The following KNDC1 variants were observed in gnomAD, a reference collection of about 807,000 sequenced individuals.
KNDC1 encodes kinase non-catalytic C-lobe domain-containing protein 1.
A neutral mutation model predicts 172.8 loss-of-function variants in KNDC1; 106 were observed. The observed-to-expected ratio is 0.61, with a 90% CI of 0.52 to 0.72. The LOEUF is 0.72. Among genes scored for constraint, KNDC1 ranks in the 30% least tolerant of loss-of-function variants. KNDC1 has a pLI of 0.00. For missense variants in KNDC1, 2,325 were observed against 2,394.5 expected, an observed-to-expected ratio of 0.97 and a Z score of 0.61; for synonymous variants, 1,083 against 1,062.2, an observed-to-expected ratio of 1.02 and a Z score of -0.38.
Position 133,204,583 on chromosome 10 carries a change from A to T in KNDC1, c.3388-2102A>T, listed in dbSNP as rs1041656219. On this transcript the variant is annotated intron_variant, in intron 17 of 29. Coordinates refer to ENST00000304613, the MANE Select transcript of KNDC1 (RefSeq NM_152643.8). ...GGCCGCTGCTGAACCCGTGCGTGGG[A>T]GAAGACAGCACAGGGACCCCGTCTC... Among the ~76,000 whole-genome samples, 3 of 152,196 alleles carry T rather than the reference A, an allele frequency of 2.0e-5. No homozygotes were observed. In the South Asian group the frequency reaches 6.2e-4, roughly 32 times the overall value.
chr10:133,168,470 G>A lies in KNDC1; in HGVS notation c.360+158G>A, dbSNP rs548810359. On this transcript the variant is annotated intron_variant, in intron 3 of 29. Coordinates refer to ENST00000304613, the MANE Select transcript of KNDC1 (RefSeq NM_152643.8). ...GCCCGGTTCACTGGGCTATAGGGAC[G>A]GCCTCTGGGGCACACCCGGCTTCGT... Among the ~76,000 whole-genome samples, 682 of 152,226 alleles carry A rather than the reference G, an allele frequency of 4.5e-3. 5 individuals carry two copies. Among genetic ancestry groups the A allele is most frequent in the African/African-American group, 0.015 (642 of 41,532 alleles).
intron 3 of KNDC1, among the ~76,000 whole-genome samples, chr10:133,177,090 G>C (rs1853557272): frequency 6.6e-6 from 1 of 152,142 alleles, no homozygotes; most frequent in Non-Finnish European, 1.5e-5. Context: ...CTTCTGCTGG[G>C]GACCCATGCA....
intron 3 of KNDC1, among the ~76,000 whole-genome samples, chr10:133,177,544 A>G (rs998495522): frequency 3.6e-4 from 52 of 146,212 alleles, no homozygotes; most frequent in Non-Finnish European, 2.7e-4. Flanking sequence ...AGTGTGTGTC[A>G]TGAGCACGTG....
intron 3 of KNDC1, among the ~76,000 whole-genome samples, chr10:133,181,276 G>A (rs953591912): frequency 1.3e-5 from 2 of 152,262 alleles, no homozygotes; most frequent in South Asian, 2.1e-4. Context: ...GACCCTGTGT[G>A]CCCAAACATG....
intron 15 of KNDC1, 29 bp downstream of exon 15, chr10:133,199,631 C>CTGAT (rs774016122): frequency 1.4e-5 from 23 of 1,608,322 alleles, no homozygotes; most frequent in Non-Finnish European, 1.9e-5. Flanking sequence ...CCTGCATTCC[C>CTGAT]GCCCCTCCCT....
At position 133,197,173 on chromosome 10, in the gene KNDC1, C is replaced by A. The variant is rs757924650; in HGVS notation, c.1812+38C>A. On this transcript the variant is annotated intron_variant, in intron 11 of 29. Transcript: ENST00000304613. ...AGCCAGGCCGCCGCCTCCTCCGCCG[C>A]GCTTAGCTTCCTCCCTCCTGGACGC... 2.6e-6 allele frequency: 4 copies of A among 1,516,944 alleles called. No individual in the cohort carries two copies. The South Asian group carries it at 3.4e-5, about 13-fold the overall frequency. 94.0% of individuals were successfully genotyped at this position (1,516,944 alleles called of 1,614,324 possible).
Position 133,167,571 on chromosome 10 carries a change from A to G in KNDC1, c.293A>G (p.Gln98Arg), listed in dbSNP as rs780211628. 1 of 1,590,826 alleles carries G rather than the reference A, an allele frequency of 6.3e-7. No homozygotes were observed. Among genetic ancestry groups the G allele is most frequent in the South Asian group, 1.1e-5 (1 of 87,790 alleles). ...AGCGGGAACGTGTGTTTCATGGAGC[A>G]GCTCAGCGGTGAGGCGGCGGTGGCG... is the stretch of plus-strand genomic sequence containing the variant. Reference protein sequence around the residue: ...NTSGNVCFMEQLSDDPEGAFV... With the variant: ...NTSGNVCFMERLSDDPEGAFV... Residue 98 changes from glutamine (Q) to arginine (R), a missense_variant, in exon 2 of 30, where the codon CAG becomes CGG. By Grantham distance (43) the Gln-to-Arg change is conservative. Transcript: ENST00000304613.
At position 133,160,495 on chromosome 10, in the gene KNDC1, G is replaced by T. The variant is rs1410175359; in HGVS notation, c.28G>T (p.Asp10Tyr). ...GCAGGCCATGGACCCGGCCGCGGCG[G>T]ATCTTTACGAGGAGGACGGCAAAGA... MQAMDPAAA[D>Y]LYEEDGKDLD... The change falls in exon 1 of 30, where the codon GAT becomes TAT. Residue 10 changes from aspartate to tyrosine, a missense_variant. Coordinates refer to ENST00000304613, the MANE Select transcript of KNDC1 (RefSeq NM_152643.8). The T allele has an allele frequency of 1.4e-5, 23 of 1,588,496 alleles. No homozygotes were observed. The highest frequency in any genetic ancestry group is 2.0e-5 in the Non-Finnish European group (23 of 1,169,408).
rs1355178743 is a variant in KNDC1, at chr10:133,206,793, GGCACAGGTCCGAGACCCT to G, written c.3481+17_3481+34del. On this transcript the variant is annotated intron_variant, in intron 18 of 29. Transcript: ENST00000304613. ...GAGGAACAAAGGTAAGGCCCCTGTG[GGCACAGGTCCGAGACCCT>G]GGCTGCAGGCAGCCCGGCCCCCACC... is the stretch of plus-strand genomic sequence containing the variant. 2 of 1,613,830 alleles carry G rather than the reference GGCACAGGTCCGAGACCCT, an allele frequency of 1.2e-6. No homozygotes were observed. Among genetic ancestry groups the G allele is most frequent in the Admixed American group, 3.3e-5 (2 of 60,034 alleles).
At chr10:133,170,421 G>A (rs1288954628) in intron 3 of KNDC1, among the ~76,000 whole-genome samples, 1 of 152,158 alleles carries the variant, frequency 6.6e-6, no homozygotes, top group African/African-American at 2.4e-5. Context: ...ACACAGGCGT[G>A]GCAGGGGCCT....
At chr10:133,213,600 C>T in intron 24 of KNDC1, 45 bp from the exon 25 acceptor site, 1 of 1,572,840 alleles carries the variant, frequency 6.4e-7, no homozygotes, top group South Asian at 1.1e-5. Flanking sequence ...ACACAAGGCC[C>T]TAAGGGATGG....
intron 17 of KNDC1, chr10:133,202,215 G>A (rs756361740): frequency 3.6e-5 from 23 of 636,308 alleles, no homozygotes; most frequent in South Asian, 1.2e-4. Flanking sequence ...ACCAGGTTGC[G>A]TTCGGTCGTG....
In KNDC1 at chr10:133,186,283, T is replaced by G; in HGVS notation, c.935T>G (p.Leu312Arg). 1 of 1,610,800 alleles carries G rather than the reference T, an allele frequency of 6.2e-7. No homozygotes were observed. The highest frequency in any genetic ancestry group is 8.5e-7 in the Non-Finnish European group (1 of 1,179,198). Residue 312 changes from leucine (L) to arginine (R), a missense_variant, in exon 6 of 30, where the codon CTG (leucine) becomes CGG (arginine). Transcript: ENST00000304613. ...LRKVQTFPRL[L>R]SDSPEATLCL... is the part of the protein sequence containing the mutation. ...AAGGTGCAGACGTTCCCTAGGCTGC[T>G]GTCCGACAGCCCCGAGGCCACCCTC...
At chr10:133,215,955 A>G (rs931730519) in intron 26 of KNDC1, among the ~76,000 whole-genome samples, 2 of 152,210 alleles carry the variant, frequency 1.3e-5, no homozygotes, top group African/African-American at 4.8e-5. Context: ...TCCTCACGGG[A>G]GCGGACGGAC....
At chr10:133,169,231 C>T (rs372805375) in intron 3 of KNDC1, among the ~76,000 whole-genome samples, 14 of 152,310 alleles carry the variant, frequency 9.2e-5, no homozygotes, top group East Asian at 3.9e-4. Flanking sequence ...GAGGCTGAGG[C>T]GGGCAGATCG....
At position 133,186,094 on chromosome 10, in the gene KNDC1, A is replaced by G; in HGVS notation, c.746A>G (p.Glu249Gly). 6.3e-7 allele frequency: 1 copy of G among 1,599,516 alleles called. No individual in the cohort carries two copies. The highest frequency in any genetic ancestry group is 8.5e-7 in the Non-Finnish European group (1 of 1,174,092). Residue 249 changes from glutamate (E) to glycine (G), a missense_variant, in exon 6 of 30, where the codon GAG becomes GGG. Glu to Gly is a moderately conservative substitution (Grantham distance 98). Transcript: ENST00000304613. ...VLPTPEGPES[E>G]TSRGPRASPT... The stretch of plus-strand genomic sequence containing the variant: ...CCGACCCCCGAAGGCCCGGAGTCTG[A>G]GACGAGCCGGGGCCCCAGAGCCTCC...
At position 133,164,408 on chromosome 10, in the gene KNDC1, G is replaced by C. The variant is rs754050261; in HGVS notation, c.103-2973G>C. Among the ~76,000 whole-genome samples, 3 of 152,356 alleles carry C rather than the reference G, an allele frequency of 2.0e-5. No homozygotes were observed. The Middle Eastern group carries it at 0.01, about 518-fold the overall frequency. ...GACTGTATTGGCAGGGGCAGGAGAG[G>C]CTGAAGTGTGGAAAGTCACGAGGCC... is the stretch of plus-strand genomic sequence containing the variant. On this transcript the variant is annotated intron_variant, in intron 1 of 29. Transcript: ENST00000304613.
Position 133,210,644 on chromosome 10 carries a change from C to T in KNDC1, c.3828C>T (p.Phe1276=), listed in dbSNP as rs745462129. 6 of 1,613,376 alleles carry T rather than the reference C, an allele frequency of 3.7e-6. No individual in the cohort carries two copies. Among genetic ancestry groups the T allele is most frequent in the Non-Finnish European group, 4.2e-6 (5 of 1,179,610 alleles). ...TCCTGGAGGGTTATGTGCAGCAATT[C>T]CTCTACACCTTCCGCTACTTCTGCA... ...DAFLEGYVQQ[F]LYTFRYFCTP... The change falls in exon 21 of 30, where the codon TTC becomes TTT. Residue 1276 remains phenylalanine, a synonymous_variant. Transcript: ENST00000304613.
At chr10:133,168,563 CTG>C (rs1290010173) in intron 3 of KNDC1, among the ~76,000 whole-genome samples, 2 of 152,128 alleles carry the variant, frequency 1.3e-5, no homozygotes, top group South Asian at 2.1e-4. Context: ...TGTGGGTTCT[CTG>C]TGGGCAGCTC....
Sources: gnomAD v4.1 joint callset for allele counts (sites outside exome capture counted in the v4.1 genomes callset) on GRCh38, gnomAD v4.1.1 for gene constraint, MANE v1.5 for transcripts, NCBI Gene and HGNC (gene_info 2026-07-23, HGNC 2026-07-21) for gene names.